The following AGBL4 variants were observed in gnomAD, a reference collection of about 807,000 sequenced individuals.
AGBL4 encodes the protein AGBL carboxypeptidase 4.
Under a neutral mutation model 66.4 loss-of-function variants are expected in AGBL4, and 58 were observed. That is an observed-to-expected ratio of 0.87 (90% confidence interval 0.71 to 1.09). The LOEUF is 1.09. Among genes scored for constraint, AGBL4 ranks in the 50% least tolerant of loss-of-function variants. The probability of loss-of-function intolerance (pLI) is 0.00; values close to 1 mark genes in which losing one functional copy is unlikely to be tolerated. For missense variants in AGBL4, 579 were observed against 631.0 expected (o/e 0.92, Z 0.88); for synonymous variants, 234 against 222.9 (o/e 1.05, Z -0.44).
chr1:49,131,724 C>T (rs2148070082), intron 4 of AGBL4, among the ~76,000 whole-genome samples: 1 of 152,118 alleles, frequency 6.6e-6, no homozygotes, highest in South Asian at 2.1e-4. Context: ...ACAGGATTGA[C>T]AGGATTTAGT....
At chr1:49,571,601 GAAGT>G (rs1363524035) in intron 3 of AGBL4, among the ~76,000 whole-genome samples, 2 of 152,096 alleles carry the variant, frequency 1.3e-5, no homozygotes, top group Non-Finnish European at 2.9e-5. Flanking sequence ...AGGACTTTCA[GAAGT>G]ATGTAGACAA....
intron 4 of AGBL4, among the ~76,000 whole-genome samples, chr1:49,130,805 T>A (rs1477227246): frequency 1.3e-5 from 2 of 152,154 alleles, no homozygotes; most frequent in African/African-American, 2.4e-5. Context: ...GGGCTCTTTT[T>A]TGGTTCCATA....
At chr1:48,819,275 C>A (rs1324145463) in intron 6 of AGBL4, among the ~76,000 whole-genome samples, 1 of 152,088 alleles carries the variant, frequency 6.6e-6, no homozygotes, top group Non-Finnish European at 1.5e-5. Flanking sequence ...TGGGGAATAA[C>A]CAGTGCTTAG....
At chr1:48,717,970 G>A (rs946016975) in intron 6 of AGBL4, among the ~76,000 whole-genome samples, 2 of 152,186 alleles carry the variant, frequency 1.3e-5, no homozygotes, top group South Asian at 2.1e-4. Flanking sequence ...TGACATACAG[G>A]AGTTCCACAA....
At chr1:49,746,641 C>G (rs1651008660) in intron 2 of AGBL4, among the ~76,000 whole-genome samples, 1 of 152,030 alleles carries the variant, frequency 6.6e-6, no homozygotes, top group African/African-American at 2.4e-5. Context: ...TGATGATGTG[C>G]TAAGACGAAT....
chr1:48,703,908 AAG>A (rs1250219991), intron 6 of AGBL4, among the ~76,000 whole-genome samples: 3 of 152,244 alleles, frequency 2.0e-5, no homozygotes, highest in Non-Finnish European at 2.9e-5. Flanking sequence ...TGCATTGCTA[AAG>A]GATGGGGATA....
At chr1:49,435,690 G>A (rs1351585091) in intron 3 of AGBL4, among the ~76,000 whole-genome samples, 1 of 152,128 alleles carries the variant, frequency 6.6e-6, no homozygotes, top group East Asian at 1.9e-4. Flanking sequence ...TTCTATACAG[G>A]GCAAGAACAA....
At chr1:48,993,999 G>A (rs1282202314) in intron 5 of AGBL4, among the ~76,000 whole-genome samples, 1 of 152,088 alleles carries the variant, frequency 6.6e-6, no homozygotes, top group Non-Finnish European at 1.5e-5. Context: ...CTTTTTTTGT[G>A]TAGATAGCTG....
At chr1:49,116,354 T>G (rs968339610) in intron 4 of AGBL4, among the ~76,000 whole-genome samples, 11 of 152,198 alleles carry the variant, frequency 7.2e-5, no homozygotes, top group African/African-American at 2.7e-4. Context: ...TTTCTTCTAA[T>G]GCTATCCCTC....
intron 3 of AGBL4, among the ~76,000 whole-genome samples, chr1:49,566,155 G>C (rs79548087): frequency 6.6e-6 from 1 of 152,038 alleles, no homozygotes; most frequent in Admixed American, 6.6e-5. Flanking sequence ...GCTCCATCAG[G>C]TCCTTTAAGG....
At chr1:49,202,601 C>G (rs897530705) in intron 4 of AGBL4, among the ~76,000 whole-genome samples, 4 of 151,872 alleles carry the variant, frequency 2.6e-5, no homozygotes, top group Non-Finnish European at 5.9e-5. Flanking sequence ...TATCTTAAAA[C>G]AAAAAGAAAC....
chr1:49,639,254 C>A (rs575860956), intron 3 of AGBL4, among the ~76,000 whole-genome samples: 144 of 151,996 alleles, frequency 9.5e-4, no homozygotes, highest in Non-Finnish European at 1.8e-3. Context: ...TAACACACAC[C>A]CTGCTATCAA....
At chr1:49,652,491 G>C (rs536675512) in intron 3 of AGBL4, among the ~76,000 whole-genome samples, 1 of 152,206 alleles carries the variant, frequency 6.6e-6, no homozygotes, top group South Asian at 2.1e-4. Context: ...GTGGCTGCTC[G>C]AGCAGGCACT....
At chr1:49,115,037 C>T (rs994794214) in intron 4 of AGBL4, among the ~76,000 whole-genome samples, 1 of 151,944 alleles carries the variant, frequency 6.6e-6, no homozygotes, top group Non-Finnish European at 1.5e-5. Flanking sequence ...AGGGTTGTCA[C>T]AAACCTTAAA....
At chr1:49,853,614 A>G (rs1646360168) in intron 1 of AGBL4, among the ~76,000 whole-genome samples, 1 of 152,080 alleles carries the variant, frequency 6.6e-6, no homozygotes, top group Non-Finnish European at 1.5e-5. Context: ...TCCAAAATTA[A>G]TGAAAGATAT....
intron 2 of AGBL4, among the ~76,000 whole-genome samples, chr1:49,850,126 C>G (rs1442552981): frequency 6.6e-6 from 1 of 152,144 alleles, no homozygotes; most frequent in Non-Finnish European, 1.5e-5. Context: ...GAAGTCCTAG[C>G]ATCTTTATAG....
intron 4 of AGBL4, among the ~76,000 whole-genome samples, chr1:49,161,677 C>T (rs901258380): frequency 5.3e-5 from 8 of 152,112 alleles, no homozygotes; most frequent in African/African-American, 1.4e-4. Flanking sequence ...ATTGGCTGTT[C>T]CTTTGGTGGG....
chr1:48,761,312 C>T, intron 6 of AGBL4: 1 of 1,539,822 alleles, frequency 6.5e-7, no homozygotes, highest in East Asian at 2.5e-5. Flanking sequence ...CAGCATACCT[C>T]CAAAGAAAGG....
At chr1:48,619,743 CAGG>C (rs1018073087) in intron 9 of AGBL4, among the ~76,000 whole-genome samples, 1 of 152,146 alleles carries the variant, frequency 6.6e-6, no homozygotes, top group African/African-American at 2.4e-5. Context: ...TAGGTGGTGC[CAGG>C]AGTTTAAAGC....
Sources: allele counts gnomAD v4.1 joint callset (sites outside exome capture counted in the v4.1 genomes callset), GRCh38; gene constraint gnomAD v4.1.1; transcripts MANE v1.5; gene names NCBI Gene and HGNC (gene_info 2026-07-23, HGNC 2026-07-21).